SLC13A2: variants seen among roughly 807,000 people sequenced by gnomAD.
SLC13A2 encodes Na(+)-coupled citrate transporter.
In SLC13A2, 40 loss-of-function variants were observed where a neutral mutation model predicts 58.5. That is an observed-to-expected ratio of 0.68 (90% CI 0.53 to 0.89). The LOEUF (loss-of-function observed/expected upper bound fraction) is 0.89. Among genes scored for constraint, SLC13A2 ranks in the 40% least tolerant of loss-of-function variants. The probability of loss-of-function intolerance (pLI) is 0.00; values close to 1 mark genes in which losing one functional copy is unlikely to be tolerated. For missense variants in SLC13A2, 694 were observed against 772.6 expected, an observed-to-expected ratio of 0.90 and a Z score of 1.21; for synonymous variants, 341 against 331.6, an observed-to-expected ratio of 1.03 and a Z score of -0.31.
Position 28,490,692 on chromosome 17 carries a change from C to T in SLC13A2, c.369-9C>T. On this transcript the variant is annotated splice_polypyrimidine_tract_variant and intron_variant, in intron 3 of 11. Coordinates refer to ENST00000314669, the MANE Select transcript of SLC13A2 (RefSeq NM_003984.4). ...TGGAACAGCAGTGTGTCTGTCTGCC[C>T]ATCCCTAGGCTAATCCTGGGCTTCA... The T allele has an allele frequency of 6.2e-7, 1 of 1,606,640 alleles. No homozygotes were observed. The highest frequency in any genetic ancestry group is 1.1e-5 in the South Asian group (1 of 90,556).
At chr17:28,495,573 C>A in intron 9 of SLC13A2, 82 bp from the exon 10 acceptor site, 1 of 1,371,682 alleles carries the variant, frequency 7.3e-7, no homozygotes, top group Non-Finnish European at 1.0e-6. Flanking sequence ...TTAGCAGGAG[C>A]AGGAGCCTCA....
chr17:28,490,238 C>A, intron 2 of SLC13A2: 2 of 1,423,048 alleles, frequency 1.4e-6, no homozygotes, highest in South Asian at 1.4e-5. Context: ...TGTGCCACTG[C>A]ATTCCAGCCT....
In SLC13A2 at chr17:28,473,649, T is replaced by A; in HGVS notation, c.-64T>A. 4.6e-5 allele frequency: 58 copies of A among 1,255,516 alleles called. No individual in the cohort carries two copies. The highest frequency in any genetic ancestry group is 6.2e-5 in the Non-Finnish European group (54 of 866,988). The allele number at this position is 1,255,516 out of a possible 1,614,324, so 77.8% of individuals were successfully genotyped here. A position where few individuals can be genotyped will look rare whatever the true frequency, so the allele number is the denominator to read the frequency against. On this transcript the variant is annotated 5_prime_UTR_variant, in exon 1 of 12. Coordinates refer to ENST00000314669, the MANE Select transcript of SLC13A2 (RefSeq NM_003984.4). ...TGCCACCTGCCTGCTTGGCTGCATCTTTGGTCCTTCTGTTACCCAGCTCCT... is the reference window on the plus strand; with the variant it reads ...TGCCACCTGCCTGCTTGGCTGCATCATTGGTCCTTCTGTTACCCAGCTCCT...
chr17:28,473,673 C>T lies in SLC13A2; in HGVS notation c.-40C>T, dbSNP rs2068622013. On this transcript the variant is annotated 5_prime_UTR_variant, in exon 1 of 12. Coordinates refer to ENST00000314669, the MANE Select transcript of SLC13A2 (RefSeq NM_003984.4). Reference sequence around the variant, plus strand: ...CTTTGGTCCTTCTGTTACCCAGCTCCTGGAGGCAGTGGCTGTAGCAGCCCT... The same window carrying T: ...CTTTGGTCCTTCTGTTACCCAGCTCTTGGAGGCAGTGGCTGTAGCAGCCCT... The T allele has an allele frequency of 6.6e-7, 1 of 1,521,498 alleles. No individual in the cohort carries two copies. Among genetic ancestry groups the T allele is most frequent in the Non-Finnish European group, 9.1e-7 (1 of 1,099,442 alleles). The allele number at this position is 1,521,498 out of a possible 1,614,324, so 94.2% of individuals were successfully genotyped here.
intron 1 of SLC13A2, 118 bp downstream of exon 1, chr17:28,473,932 G>A: frequency 2.4e-6 from 2 of 823,762 alleles, no homozygotes; most frequent in South Asian, 3.3e-5. Flanking sequence ...TGCCCTGGAA[G>A]TGAGGCTATC....
chr17:28,497,742 T>C lies in SLC13A2; in HGVS notation c.*473T>C, dbSNP rs1411731034. 6.3e-6 allele frequency: 1 copy of C among 158,302 alleles called. No individual in the cohort carries two copies. The highest frequency in any genetic ancestry group is 2.4e-5 in the African/African-American group (1 of 41,696). 9.8% of individuals were successfully genotyped at this position (158,302 alleles called of 1,614,324 possible). On this transcript the variant is annotated 3_prime_UTR_variant, in exon 12 of 12. Coordinates refer to ENST00000314669, the MANE Select transcript of SLC13A2 (RefSeq NM_003984.4). ...GCCAGCAGCTGCCACGGGAACAGCC[T>C]CTGGGCTGTTAAAGTCACATTAAAG...
Position 28,475,079 on chromosome 17 carries a change from A to T in SLC13A2, c.102+1265A>T, listed in dbSNP as rs561840233. On this transcript the variant is annotated intron_variant, in intron 1 of 11. Coordinates refer to ENST00000314669, the MANE Select transcript of SLC13A2 (RefSeq NM_003984.4). Reference sequence around the variant, plus strand: ...CATCTCAGTGCTAGGGACCCATCAGATGGGTTTTCCGACAGGCTGGGGCAA... The same window carrying T: ...CATCTCAGTGCTAGGGACCCATCAGTTGGGTTTTCCGACAGGCTGGGGCAA... 6.0e-4 allele frequency among the ~76,000 whole-genome samples: 92 copies of T among 152,304 alleles called. 1 individual carries two copies. The highest frequency in any genetic ancestry group is 1.3e-3 in the Admixed American group (20 of 15,300).
intron 7 of SLC13A2, 88 bp downstream of exon 7, chr17:28,493,877 C>T (rs1555604093): frequency 6.7e-7 from 1 of 1,500,340 alleles, no homozygotes; most frequent in Non-Finnish European, 9.2e-7. Flanking sequence ...CATTGCAGAA[C>T]AGGAGGTAAC....
At chr17:28,488,899 C>T (rs1434306278) in intron 1 of SLC13A2, among the ~76,000 whole-genome samples, 3 of 152,234 alleles carry the variant, frequency 2.0e-5, no homozygotes, top group Non-Finnish European at 2.9e-5. Context: ...CCCATCTCAT[C>T]TTGGGATCCT....
In SLC13A2 at chr17:28,491,467, C is replaced by T; in HGVS notation, c.605C>T (p.Ala202Val). 1 of 1,613,774 alleles carries T rather than the reference C, an allele frequency of 6.2e-7. No individual in the cohort carries two copies. Among genetic ancestry groups the T allele is most frequent in the Non-Finnish European group, 8.5e-7 (1 of 1,180,040 alleles). Reference protein sequence around the residue: ...DNGQALPVTSASSEGRAHLSQ... With the variant: ...DNGQALPVTSVSSEGRAHLSQ... Reference sequence around the variant, plus strand: ...GGGCAGGCCCTCCCTGTCACGTCTGCCTCTTCGGAGGGGAGGGCACATCTC... The same window carrying T: ...GGGCAGGCCCTCCCTGTCACGTCTGTCTCTTCGGAGGGGAGGGCACATCTC... The change falls in exon 5 of 12, where the codon GCC becomes GTC. Residue 202 changes from alanine (A) to valine (V), a missense_variant. By Grantham distance (64) the Ala-to-Val change is moderately conservative. Coordinates refer to ENST00000314669, the MANE Select transcript of SLC13A2 (RefSeq NM_003984.4).
At chr17:28,495,192 TG>T (rs1555604399) in intron 9 of SLC13A2, among the ~76,000 whole-genome samples, 1 of 152,220 alleles carries the variant, frequency 6.6e-6, no homozygotes, top group African/African-American at 2.4e-5. Context: ...TCTGACCCTG[TG>T]GACTGTCCCT....
chr17:28,497,291 G>A lies in SLC13A2; in HGVS notation c.*22G>A, dbSNP rs781839425. 6.2e-7 allele frequency: 1 copy of A among 1,601,312 alleles called. No homozygotes were observed. The highest frequency in any genetic ancestry group is 1.1e-5 in the South Asian group (1 of 90,182). ...CTAGGCTGGGGCACAGCCTGGCCAT[G>A]CCCAGGAAGACCCACCCCATTCCCA... On this transcript the variant is annotated 3_prime_UTR_variant, in exon 12 of 12. Transcript: ENST00000314669.
chr17:28,495,804 C>A lies in SLC13A2; in HGVS notation c.1458C>A (p.Ile486=), dbSNP rs1555604544. 1 of 1,612,944 alleles carries A rather than the reference C, an allele frequency of 6.2e-7. No homozygotes were observed. The highest frequency in any genetic ancestry group is 1.1e-5 in the South Asian group (1 of 90,960). ...NVATTTIFLP[I]LASMAQAICL... is the part of the protein sequence containing the mutation. Reference sequence around the variant, plus strand: ...CCACCACTACGATCTTCCTGCCCATCCTAGCCTCCATGGTGAGCTGGCCCT... The same window carrying A: ...CCACCACTACGATCTTCCTGCCCATACTAGCCTCCATGGTGAGCTGGCCCT... Residue 486 remains isoleucine (I), a synonymous_variant, in exon 10 of 12, where the codon ATC becomes ATA. Coordinates refer to ENST00000314669, the MANE Select transcript of SLC13A2 (RefSeq NM_003984.4).
chr17:28,482,509 C>T (rs1463768949), intron 1 of SLC13A2, among the ~76,000 whole-genome samples: 3 of 152,160 alleles, frequency 2.0e-5, no homozygotes, highest in Non-Finnish European at 4.4e-5. Flanking sequence ...TCAGAAATTT[C>T]CCTGAATGCA....
intron 1 of SLC13A2, among the ~76,000 whole-genome samples, chr17:28,485,367 T>C (rs1449807671): frequency 2.0e-5 from 3 of 152,176 alleles, no homozygotes; most frequent in Admixed American, 6.5e-5. Context: ...AGGCTGTCAG[T>C]TGAACTTGGC....
At position 28,490,926 on chromosome 17, in the gene SLC13A2, A is replaced by G. The variant is rs781796705; in HGVS notation, c.574+20A>G. 1.0e-5 allele frequency: 16 copies of G among 1,593,266 alleles called. No homozygotes were observed. The East Asian group carries it at 2.7e-4, about 27-fold the overall frequency. On this transcript the variant is annotated intron_variant, in intron 4 of 11. Coordinates refer to ENST00000314669, the MANE Select transcript of SLC13A2 (RefSeq NM_003984.4). ...AGCTTGGTGAGAAAAATGAGGCTAG[A>G]CTCTGCCCCAACCCCTTGGTTCTTG...
At position 28,497,419 on chromosome 17, in the gene SLC13A2, AG is replaced by A; in HGVS notation, c.*154del. 2 of 814,482 alleles carry A rather than the reference AG, an allele frequency of 2.5e-6. No homozygotes were observed. The highest frequency in any genetic ancestry group is 3.8e-6 in the Non-Finnish European group (2 of 528,842). The allele number at this position is 814,482 out of a possible 1,614,324, so 50.5% of individuals were successfully genotyped here. A position where few individuals can be genotyped will look rare whatever the true frequency, so the allele number is the denominator to read the frequency against. On this transcript the variant is annotated 3_prime_UTR_variant, in exon 12 of 12. Coordinates refer to ENST00000314669, the MANE Select transcript of SLC13A2 (RefSeq NM_003984.4). ...ATAATCTCTTGCGTGTCTGTAAGGA[AG>A]GGGTGTATGCTCAGTTTCCTATGTG...
rs1460357775 is a variant in SLC13A2 at position 28,491,420 on chromosome 17, C to T, written c.575-17C>T. 4 of 1,612,434 alleles carry T rather than the reference C, an allele frequency of 2.5e-6. No individual in the cohort carries two copies. Among genetic ancestry groups the T allele is most frequent in the Non-Finnish European group, 3.4e-6 (4 of 1,179,624 alleles). Reference sequence around the variant, plus strand: ...GGCCCTGTACCTGCCCCCACCTGGGCTCTCCCTTGTTCCCAGATAATGGGC... The same window carrying T: ...GGCCCTGTACCTGCCCCCACCTGGGTTCTCCCTTGTTCCCAGATAATGGGC... On this transcript the variant is annotated splice_polypyrimidine_tract_variant and intron_variant, in intron 4 of 11. Transcript: ENST00000314669.
chr17:28,485,396 G>A (rs529516287), intron 1 of SLC13A2, among the ~76,000 whole-genome samples: 2 of 152,308 alleles, frequency 1.3e-5, no homozygotes, highest in South Asian at 2.1e-4. Context: ...GTTCCATAGA[G>A]CTGGGTTGCA....
Sources: gnomAD v4.1 joint callset for allele counts (sites outside exome capture counted in the v4.1 genomes callset) on GRCh38, gnomAD v4.1.1 for gene constraint, MANE v1.5 for transcripts, NCBI Gene and HGNC (gene_info 2026-07-23, HGNC 2026-07-21) for gene names.